Variants in DOCK4 observed in about 807,000 individuals in gnomAD.
DOCK4 encodes dedicator of cytokinesis 4, also known as dedicator of cytokinesis protein 4.
Under a neutral mutation model 268.1 loss-of-function variants are expected in DOCK4, and 97 were observed. The observed-to-expected ratio is 0.36, with a 90% CI of 0.31 to 0.43. The LOEUF is 0.43. Among genes scored for constraint, DOCK4 ranks in the 20% least tolerant of loss-of-function variants. The probability of loss-of-function intolerance (pLI) is 1.00; values close to 1 mark genes in which losing one functional copy is unlikely to be tolerated. For missense variants in DOCK4, 2,145 were observed against 2,455.7 expected (o/e 0.87, Z 2.67); for synonymous variants, 954 against 887.2 (o/e 1.08, Z -1.34).
intron 7 of DOCK4, among the ~76,000 whole-genome samples, chr7:111,979,449 ATAAAGG>A (rs1798442918): frequency 6.6e-6 from 1 of 150,546 alleles, no homozygotes; most frequent in African/African-American, 2.4e-5. Context: ...CTTGTTTTCT[ATAAAGG>A]TTGCTCTACT....
At chr7:112,158,447 T>C (rs1183824019) in intron 1 of DOCK4, among the ~76,000 whole-genome samples, 1 of 152,204 alleles carries the variant, frequency 6.6e-6, no homozygotes, top group East Asian at 1.9e-4. Flanking sequence ...TTGTTGTGCT[T>C]TTTAAAATAG....
chr7:111,866,489 A>G (rs1439485305), intron 22 of DOCK4, among the ~76,000 whole-genome samples: 4 of 152,240 alleles, frequency 2.6e-5, no homozygotes, highest in Admixed American at 2.6e-4. Context: ...AGCAAAAAAT[A>G]TCAAATATGA....
At chr7:111,769,793 T>C (rs1798004704) in intron 36 of DOCK4, 116 bp from the exon 37 acceptor site, 1 of 1,262,218 alleles carries the variant, frequency 7.9e-7, no homozygotes. Context: ...AATTTCGTGA[T>C]ATAGCAGAAA....
intron 25 of DOCK4, among the ~76,000 whole-genome samples, chr7:111,844,262 C>A (rs1252679354): frequency 6.6e-6 from 1 of 152,116 alleles, no homozygotes; most frequent in African/African-American, 2.4e-5. Context: ...GGAGACAGAG[C>A]GAGACTCCGT....
rs1475716251 is a variant in DOCK4, at chr7:112,132,630, CG to C, written c.37+73471del. Among the ~76,000 whole-genome samples, 3 of 151,128 alleles carry C rather than the reference CG, an allele frequency of 2.0e-5. No homozygotes were observed. The South Asian group carries it at 6.3e-4, about 32-fold the overall frequency. On this transcript the variant is annotated intron_variant, in intron 1 of 52. Coordinates refer to ENST00000428084, the MANE Select transcript of DOCK4 (RefSeq NM_001363540.2). ...CAAATGCTTTAATAGAAAAAAGGGG[CG>C]GGGGGAGGTGGGGAAAGGCCTTTGG...
intron 23 of DOCK4, among the ~76,000 whole-genome samples, chr7:111,859,499 C>A (rs1360072591): frequency 6.6e-6 from 1 of 151,546 alleles, no homozygotes; most frequent in African/African-American, 2.4e-5. Flanking sequence ...GCATTCAATT[C>A]CAAGTTCCCC....
chr7:111,865,601 T>G (rs1371747255), intron 22 of DOCK4, among the ~76,000 whole-genome samples: 1 of 152,242 alleles, frequency 6.6e-6, no homozygotes, highest in East Asian at 1.9e-4. Context: ...GTGGTGTTCC[T>G]GTGATTACAT....
At chr7:112,030,671 G>A (rs1336282464) in intron 1 of DOCK4, among the ~76,000 whole-genome samples, 3 of 152,092 alleles carry the variant, frequency 2.0e-5, no homozygotes, top group African/African-American at 7.2e-5. Flanking sequence ...TTGGGACTTT[G>A]AGCTCTGAGA....
At chr7:111,917,597 T>C (rs1036554550) in intron 12 of DOCK4, among the ~76,000 whole-genome samples, 1 of 151,690 alleles carries the variant, frequency 6.6e-6, no homozygotes, top group African/African-American at 2.4e-5. Context: ...TCCCAGCTAC[T>C]CTGGAGGCTG....
intron 12 of DOCK4, among the ~76,000 whole-genome samples, chr7:111,934,458 G>T (rs1192100935): frequency 6.8e-6 from 1 of 146,894 alleles, no homozygotes; most frequent in African/African-American, 2.5e-5. Context: ...GAACCTGTAT[G>T]TTTGTCAATA....
intron 1 of DOCK4, among the ~76,000 whole-genome samples, chr7:112,159,263 C>T (rs1395811146): frequency 1.3e-5 from 2 of 152,110 alleles, no homozygotes; most frequent in East Asian, 3.9e-4. Flanking sequence ...ATCTTTCTCA[C>T]ATCTGCATCT....
At chr7:112,044,803 A>ATT (rs1369030277) in intron 1 of DOCK4, among the ~76,000 whole-genome samples, 2 of 152,018 alleles carry the variant, frequency 1.3e-5, no homozygotes, top group Non-Finnish European at 2.9e-5. Flanking sequence ...TTTAACATAA[A>ATT]TCCTGAGTTG....
At chr7:111,835,243 C>T (rs572549296) in intron 25 of DOCK4, among the ~76,000 whole-genome samples, 4 of 152,122 alleles carry the variant, frequency 2.6e-5, no homozygotes, top group Non-Finnish European at 4.4e-5. Flanking sequence ...TTCAAATGAC[C>T]TCCTCCAACT....
intron 1 of DOCK4, among the ~76,000 whole-genome samples, chr7:112,008,812 G>A (rs776415725): frequency 6.6e-6 from 1 of 152,154 alleles, no homozygotes; most frequent in Non-Finnish European, 1.5e-5. Flanking sequence ...TTGCTAACAT[G>A]GCGAAACCCC....
intron 7 of DOCK4, among the ~76,000 whole-genome samples, chr7:111,983,835 T>TGCTATTATGTATGTAC (rs1798793773): frequency 8.8e-6 from 1 of 113,242 alleles, no homozygotes; most frequent in Non-Finnish European, 1.8e-5. Flanking sequence ...ATTATGTATG[T>TGCTATTATGTATGTAC]ACACACACAC....
intron 1 of DOCK4, among the ~76,000 whole-genome samples, chr7:112,052,681 C>T (rs1240186260): frequency 1.3e-5 from 2 of 152,112 alleles, no homozygotes; most frequent in African/African-American, 4.8e-5. Flanking sequence ...CTCCCACTCA[C>T]CCACCCGCAA....
At position 112,153,507 on chromosome 7, in the gene DOCK4, T is replaced by C. The variant is rs573428377; in HGVS notation, c.37+52595A>G. ...CTTAAAATTGGACAAATATAATAAT[T>C]ATCTGAAATTATATTTTAAAAATGA... On this transcript the variant is annotated intron_variant, in intron 1 of 52. Coordinates refer to ENST00000428084, the MANE Select transcript of DOCK4 (RefSeq NM_001363540.2). Among the ~76,000 whole-genome samples, 9 of 152,254 alleles carry C rather than the reference T, an allele frequency of 5.9e-5. No homozygotes were observed. The East Asian group carries it at 1.7e-3, about 29-fold the overall frequency.
At chr7:111,956,952 T>A (rs1796495826) in intron 8 of DOCK4, among the ~76,000 whole-genome samples, 1 of 152,210 alleles carries the variant, frequency 6.6e-6, no homozygotes, top group Admixed American at 6.5e-5. Context: ...ATTCTTTATA[T>A]TCATTATAAC....
At chr7:112,066,178 A>G (rs749558288) in intron 1 of DOCK4, among the ~76,000 whole-genome samples, 2 of 152,116 alleles carry the variant, frequency 1.3e-5, no homozygotes, top group African/African-American at 4.8e-5. Context: ...CTGCACCCTC[A>G]CCCACTGTGG....
Sources: allele counts gnomAD v4.1 joint callset (sites outside exome capture counted in the v4.1 genomes callset), GRCh38; gene constraint gnomAD v4.1.1; transcripts MANE v1.5; gene names NCBI Gene and HGNC (gene_info 2026-07-23, HGNC 2026-07-21).